Variants in CACUL1 observed in about 807,000 individuals in gnomAD.
CACUL1 encodes CDK2 associated cullin domain 1, also known as CDK2-associated and cullin domain-containing protein 1.
Under a neutral mutation model 45.2 loss-of-function variants are expected in CACUL1, and 13 were observed. The ratio of observed to expected loss-of-function variants is 0.29; its 90% confidence interval spans 0.19 to 0.46. The LOEUF (loss-of-function observed/expected upper bound fraction) is 0.46. CACUL1 is among the 20% of genes least tolerant of loss of function. The pLI is 1.00. For synonymous variants in CACUL1, 197 were observed against 174.2 expected (o/e 1.13, Z -1.03); for missense variants, 421 against 471.4 (o/e 0.89, Z 0.99).
At chr10:118,696,059 G>C (rs1845318757) in intron 5 of CACUL1, among the ~76,000 whole-genome samples, 1 of 152,154 alleles carries the variant, frequency 6.6e-6, no homozygotes, top group African/African-American at 2.4e-5. Context: ...TTTCTAAAAA[G>C]AGAAATGCCA....
chr10:118,684,693 C>G lies in CACUL1; in HGVS notation c.*1435G>C, dbSNP rs1323612146. 1.3e-5 allele frequency: 2 copies of G among 152,128 alleles called. No individual in the cohort carries two copies. Among genetic ancestry groups the G allele is most frequent in the Admixed American group, 6.5e-5 (1 of 15,276 alleles). 9.4% of individuals were successfully genotyped at this position (152,128 alleles called of 1,614,324 possible). Reference sequence around the variant, plus strand: ...AACTCTCCCACCCACACCACTCCCCCCAAAAAATAAACTGAATTGGCAGAG... The same window carrying G: ...AACTCTCCCACCCACACCACTCCCCGCAAAAAATAAACTGAATTGGCAGAG... On this transcript the variant is annotated 3_prime_UTR_variant, in exon 9 of 9. Transcript: ENST00000369151.
intron 7 of CACUL1, among the ~76,000 whole-genome samples, chr10:118,690,307 C>CAAAAAAAAAAAA (rs34414146): frequency 3.4e-5 from 3 of 88,462 alleles, no homozygotes; most frequent in Admixed American, 1.4e-4. Flanking sequence ...GACTCCGTCT[C>CAAAAAAAAAAAA]AAAAAAAAAA....
chr10:118,743,257 TATAAC>T (rs1219883048), intron 1 of CACUL1, among the ~76,000 whole-genome samples: 2 of 152,094 alleles, frequency 1.3e-5, no homozygotes, highest in African/African-American at 4.8e-5. Flanking sequence ...TAACAAGTGT[TATAAC>T]ATATGTGTAA....
In CACUL1 at chr10:118,754,617, G is replaced by T; in HGVS notation, c.146C>A (p.Ala49Asp). 6.2e-7 allele frequency: 1 copy of T among 1,608,542 alleles called. No individual in the cohort carries two copies. Among genetic ancestry groups the T allele is most frequent in the South Asian group, 1.1e-5 (1 of 90,670 alleles). Reference sequence around the variant, plus strand: ...CAGCTGCCCCCCCGGAGGCTCTCGGGCAGGGGCCGGGATCGACGAGGGGGG... The same window carrying T: ...CAGCTGCCCCCCCGGAGGCTCTCGGTCAGGGGCCGGGATCGACGAGGGGGG... ...PPPPSSIPAP[A>D]REPPGGQLLA... The change falls in exon 1 of 9, where the codon GCC (alanine) becomes GAC (aspartate). Residue 49 changes from alanine to aspartate, a missense_variant. Physicochemically the swap from Ala to Asp is moderately radical, Grantham distance 126. This residue lies in a region of CACUL1 where 213 missense variants were observed against 173.1 expected (regional missense o/e 1.23). Coordinates refer to ENST00000369151, the MANE Select transcript of CACUL1 (RefSeq NM_153810.5).
chr10:118,679,154 C>T lies in CACUL1; in HGVS notation c.*6974G>A, dbSNP rs923477407. On this transcript the variant is annotated 3_prime_UTR_variant, in exon 9 of 9. Transcript: ENST00000369151. ...GCTCAAGCAATCCTCCTGCCTCACA[C>T]CTTAGCCTCCAAATAACTAGGACTA... 6.6e-6 allele frequency: 1 copy of T among 152,192 alleles called. No individual in the cohort carries two copies. The highest frequency in any genetic ancestry group is 2.1e-4 in the South Asian group (1 of 4,822). 9.4% of individuals were successfully genotyped at this position (152,192 alleles called of 1,614,324 possible).
chr10:118,686,651 A>G lies in CACUL1; in HGVS notation c.1026-10T>C. On this transcript the variant is annotated splice_polypyrimidine_tract_variant and intron_variant, in intron 7 of 8. Transcript: ENST00000369151. The stretch of plus-strand genomic sequence containing the variant: ...CCGGGACTGGTCACCCCTGGGGATA[A>G]GAAGAGGCAGTCAACAAAACTGACT... 2.5e-6 allele frequency: 4 copies of G among 1,610,332 alleles called. No individual in the cohort carries two copies. Among genetic ancestry groups the G allele is most frequent in the Non-Finnish European group, 3.4e-6 (4 of 1,176,562 alleles).
chr10:118,691,887 A>AG (rs1164623313), intron 6 of CACUL1, among the ~76,000 whole-genome samples: 3 of 138,112 alleles, frequency 2.2e-5, no homozygotes, highest in African/African-American at 7.5e-5. Context: ...AAAAAAAAAA[A>AG]AAAGAAAAAG....
intron 1 of CACUL1, among the ~76,000 whole-genome samples, chr10:118,736,223 TAAACAGAAAA>T (rs1381255327): frequency 1.3e-5 from 2 of 152,152 alleles, no homozygotes; most frequent in Admixed American, 1.3e-4. Flanking sequence ...GAAATTTTTT[TAAACAGAAAA>T]AATTTTATCA....
intron 1 of CACUL1, among the ~76,000 whole-genome samples, chr10:118,743,589 C>T (rs187920890): frequency 6.6e-4 from 100 of 152,152 alleles, no homozygotes; most frequent in African/African-American, 2.4e-3. Context: ...ATTAGCCGGC[C>T]ATGGTGGCGT....
intron 1 of CACUL1, among the ~76,000 whole-genome samples, chr10:118,751,298 TA>T (rs1181190577): frequency 2.6e-5 from 4 of 152,358 alleles, no homozygotes; most frequent in African/African-American, 9.6e-5. Flanking sequence ...TTTGAAGCTT[TA>T]AAAAGTACTT....
rs117400884 is a variant in CACUL1 at position 118,725,375 on chromosome 10, G to A, written c.597+3920C>T. ...CCCAGCTACTTGGGGTGCTGAGGCCGGAGGATCATTTGAGCCCAGGAGGTC... is the reference window on the plus strand; with the variant it reads ...CCCAGCTACTTGGGGTGCTGAGGCCAGAGGATCATTTGAGCCCAGGAGGTC... On this transcript the variant is annotated intron_variant, in intron 3 of 8. Transcript: ENST00000369151. Among the ~76,000 whole-genome samples, 266 of 152,256 alleles carry A rather than the reference G, an allele frequency of 1.7e-3. 3 individuals carry two copies. In the East Asian group the frequency reaches 0.044, roughly 25 times the overall value.
rs903397594 is a variant in CACUL1 at position 118,677,620 on chromosome 10, G to T, written c.*8508C>A. The T allele has an allele frequency of 2.6e-5, 4 of 152,224 alleles. No individual in the cohort carries two copies. Among genetic ancestry groups the T allele is most frequent in the African/African-American group, 9.6e-5 (4 of 41,534 alleles). 9.4% of individuals were successfully genotyped at this position (152,224 alleles called of 1,614,324 possible). On this transcript the variant is annotated 3_prime_UTR_variant, in exon 9 of 9. Transcript: ENST00000369151. ...TTCTGATTTTGAACTTTACATAAAG[G>T]TACCCATGCTGGCTCTATTCTGACT...
At chr10:118,750,871 T>TA (rs1845891572) in intron 1 of CACUL1, among the ~76,000 whole-genome samples, 1 of 152,322 alleles carries the variant, frequency 6.6e-6, no homozygotes, top group East Asian at 1.9e-4. Flanking sequence ...TAGGCATATA[T>TA]TTTTATGAGG....
At chr10:118,705,232 T>C (rs890412428) in intron 4 of CACUL1, among the ~76,000 whole-genome samples, 3 of 152,222 alleles carry the variant, frequency 2.0e-5, no homozygotes, top group African/African-American at 4.8e-5. Flanking sequence ...TTTTCACAAC[T>C]GAAATTTTTA....
intron 2 of CACUL1, among the ~76,000 whole-genome samples, chr10:118,729,773 T>G (rs1170665769): frequency 2.0e-5 from 3 of 152,312 alleles, no homozygotes; most frequent in East Asian, 1.9e-4. Flanking sequence ...GAGAGAGGTT[T>G]CTAACTCACG....
Position 118,683,402 on chromosome 10 carries a change from A to AG in CACUL1, c.*2725_*2726insC, listed in dbSNP as rs1333035379. The stretch of plus-strand genomic sequence containing the variant: ...CTGGCAAGAATACAAAAAAAAAAAA[A>AG]AAAAAGGCCAGGTGCAGTGGCTCAC... On this transcript the variant is annotated 3_prime_UTR_variant, in exon 9 of 9. Transcript: ENST00000369151. 1 of 151,466 alleles carries AG rather than the reference A, an allele frequency of 6.6e-6. No homozygotes were observed. Among genetic ancestry groups the AG allele is most frequent in the Non-Finnish European group, 1.5e-5 (1 of 67,906 alleles). 9.4% of individuals were successfully genotyped at this position (151,466 alleles called of 1,614,324 possible). A position where few individuals can be genotyped will look rare whatever the true frequency, so the allele number is the denominator to read the frequency against.
At position 118,677,848 on chromosome 10, in the gene CACUL1, A is replaced by G. The variant is rs745384062; in HGVS notation, c.*8280T>C. On this transcript the variant is annotated 3_prime_UTR_variant, in exon 9 of 9. Transcript: ENST00000369151. ...TATACGTTTCTTGGTACACATGCAC[A>G]TGAGTTTTTCTAAGTATAAATAGTG... 4.6e-5 allele frequency: 7 copies of G among 152,220 alleles called. No individual in the cohort carries two copies. Among genetic ancestry groups the G allele is most frequent in the Admixed American group, 1.3e-4 (2 of 15,284 alleles). 9.4% of individuals were successfully genotyped at this position (152,220 alleles called of 1,614,324 possible).
At chr10:118,741,201 A>G (rs1316162385) in intron 1 of CACUL1, among the ~76,000 whole-genome samples, 2 of 152,158 alleles carry the variant, frequency 1.3e-5, no homozygotes, top group Non-Finnish European at 2.9e-5. Context: ...GCATAATTTG[A>G]GTTTTAAAAT....
At position 118,681,834 on chromosome 10, in the gene CACUL1, TTTAG is replaced by T. The variant is rs1308932565; in HGVS notation, c.*4290_*4293del. ...GTGGAGGAAGGAAGGTGTCCAGGAC[TTTAG>T]TTAATCAACAGTGGGGACAGAGAGG... On this transcript the variant is annotated 3_prime_UTR_variant, in exon 9 of 9. Transcript: ENST00000369151. 1 of 152,242 alleles carries T rather than the reference TTTAG, an allele frequency of 6.6e-6. No individual in the cohort carries two copies. The highest frequency in any genetic ancestry group is 1.5e-5 in the Non-Finnish European group (1 of 68,066). The allele number at this position is 152,242 out of a possible 1,614,324, so 9.4% of individuals were successfully genotyped here.
Sources: allele counts gnomAD v4.1 joint callset (sites outside exome capture counted in the v4.1 genomes callset), GRCh38; gene constraint gnomAD v4.1.1; regional missense constraint gnomAD v4.1.1; transcripts MANE v1.5; gene names NCBI Gene and HGNC (gene_info 2026-07-23, HGNC 2026-07-21).